Variants in CLPB observed in about 807,000 individuals in gnomAD.
The protein encoded by CLPB is ClpB family mitochondrial disaggregase, also known as mitochondrial disaggregase.
CLPB carries 40 observed loss-of-function variants against 78.4 expected under a neutral mutation model. The ratio of observed to expected loss-of-function variants is 0.51; its 90% CI spans 0.40 to 0.66. The LOEUF is 0.66. Ranked by LOEUF, CLPB falls within the 30% of genes least tolerant of loss-of-function variation. CLPB has a pLI of 0.00. For synonymous variants in CLPB, 333 were observed against 348.0 expected (o/e 0.96, Z 0.48); for missense variants, 780 against 886.9 (o/e 0.88, Z 1.53).
At chr11:72,313,576 A>G (rs1949885791) in intron 7 of CLPB, among the ~76,000 whole-genome samples, 1 of 152,246 alleles carries the variant, frequency 6.6e-6, no homozygotes, top group Non-Finnish European at 1.5e-5. Flanking sequence ...ACATACAAAC[A>G]TAGTAGATAA....
chr11:72,421,234 T>C (rs1380070866), intron 2 of CLPB, among the ~76,000 whole-genome samples: 7 of 152,206 alleles, frequency 4.6e-5, no homozygotes, highest in Non-Finnish European at 1.0e-4. Flanking sequence ...GTTCCCTCTC[T>C]TGGCTTTGGA....
chr11:72,373,313 A>G lies in CLPB; in HGVS notation c.646+6968T>C, dbSNP rs117652953. ...CATTTCTGACAGCCCCAGACACCCA[A>G]TGTTTATAACAGTTACTTATAAGCA... On this transcript the variant is annotated intron_variant, in intron 4 of 15. Coordinates refer to ENST00000538039, the MANE Select transcript of CLPB (RefSeq NM_001258392.3). Among the ~76,000 whole-genome samples, 4,447 of 152,240 alleles carry G rather than the reference A, an allele frequency of 0.029. 114 individuals are homozygous for G. The highest frequency in any genetic ancestry group is 0.04 in the Non-Finnish European group (2,728 of 67,996).
Position 72,434,354 on chromosome 11 carries a change from T to C in CLPB, c.121A>G (p.Ser41Gly). 1 of 1,611,914 alleles carries C rather than the reference T, an allele frequency of 6.2e-7. No individual in the cohort carries two copies. The highest frequency in any genetic ancestry group is 8.5e-7 in the Non-Finnish European group (1 of 1,179,376). Reference protein sequence around the residue: ...GASGRNVTTGSLGEPQWLRVA... With the variant: ...GASGRNVTTGGLGEPQWLRVA... ...CTCAGCCACTGCGGCTCCCCGAGACTCCCAGTAGTCACATTCCGGCCGGAA... is the reference window on the plus strand; with the variant it reads ...CTCAGCCACTGCGGCTCCCCGAGACCCCCAGTAGTCACATTCCGGCCGGAA... Residue 41 changes from serine (S) to glycine (G), a missense_variant, in exon 1 of 16, where the codon AGT becomes GGT. Physicochemically the swap from Ser to Gly is moderately conservative, Grantham distance 56 (BLOSUM62 0). This residue lies in a region of CLPB where 417 missense variants were observed against 414.7 expected (regional missense o/e 1.01). Transcript: ENST00000538039.
Position 72,291,195 on chromosome 11 carries a change from C to T in CLPB, c.*2172G>A, listed in dbSNP as rs1949446677. On this transcript the variant is annotated 3_prime_UTR_variant, in exon 16 of 16. Transcript: ENST00000538039. The stretch of plus-strand genomic sequence containing the variant: ...CACAGGCTGACAGAGATGAAGGAAA[C>T]ACCACAACAAAATGCAATATGGGAC... 6.6e-6 allele frequency: 1 copy of T among 152,202 alleles called. No individual in the cohort carries two copies. 9.4% of individuals were successfully genotyped at this position (152,202 alleles called of 1,614,324 possible).
chr11:72,293,973 T>C (rs896912350), intron 15 of CLPB, 49 bp downstream of exon 15: 11 of 1,523,024 alleles, frequency 7.2e-6, no homozygotes, highest in Middle Eastern at 3.5e-4. Flanking sequence ...TGGGGGGCCC[T>C]GGGGAGGGAG....
In CLPB at chr11:72,293,541, G is replaced by A. The variant is rs35401939; in HGVS notation, c.1860C>T (p.Arg620=). 3.5e-3 allele frequency: 5,609 copies of A among 1,614,108 alleles called. 185 individuals are homozygous for A. In the African/African-American group the frequency reaches 0.067, roughly 19 times the overall value. Residue 620 remains arginine (R), a synonymous_variant, in exon 16 of 16, where the codon CGC becomes CGT. Coordinates refer to ENST00000538039, the MANE Select transcript of CLPB (RefSeq NM_001258392.3). ...QDLLPGGCTL[R]ITVEDSDKQL... ...GCTTGTCTGAGTCCTCCACCGTGAT[G>A]CGCAAAGTACAGCCCCCTGGCAGCA...
chr11:72,393,991 G>A lies in CLPB; in HGVS notation c.542+8975C>T, dbSNP rs1409082322. 3.9e-5 allele frequency among the ~76,000 whole-genome samples: 6 copies of A among 152,070 alleles called. No individual in the cohort carries two copies. The East Asian group carries it at 1.2e-3, about 29-fold the overall frequency. The stretch of plus-strand genomic sequence containing the variant: ...AATGAAATCAGTGATATAAAATACT[G>A]AACAGGACAGAGCCCCATTGCTCAC... On this transcript the variant is annotated intron_variant, in intron 3 of 15. Transcript: ENST00000538039.
At chr11:72,314,130 G>A (rs1949897056) in intron 7 of CLPB, among the ~76,000 whole-genome samples, 1 of 152,198 alleles carries the variant, frequency 6.6e-6, no homozygotes, top group African/African-American at 2.4e-5. Context: ...GTGTGCCGTG[G>A]TGGCCATACG....
intron 5 of CLPB, among the ~76,000 whole-genome samples, chr11:72,357,700 G>GAAAA (rs747456359): frequency 6.8e-5 from 3 of 43,870 alleles, no homozygotes; most frequent in South Asian, 9.4e-4. Flanking sequence ...CCGTGTCCCA[G>GAAAA]AAAAAAAAAA....
intron 5 of CLPB, 60 bp from the exon 6 acceptor site, chr11:72,329,864 C>G (rs1484524802): frequency 7.4e-7 from 1 of 1,345,374 alleles, no homozygotes; most frequent in African/African-American, 1.5e-5. Flanking sequence ...CCTCAGCCTT[C>G]CCTTGGAGGT....
At chr11:72,305,635 G>A (rs1487843959) in intron 9 of CLPB, among the ~76,000 whole-genome samples, 1 of 152,240 alleles carries the variant, frequency 6.6e-6, no homozygotes, top group Non-Finnish European at 1.5e-5. Context: ...GTCCACCACA[G>A]TGCACTGCCT....
At chr11:72,430,171 T>G (rs1295325597) in intron 2 of CLPB, 141 bp downstream of exon 2, 1 of 780,472 alleles carries the variant, frequency 1.3e-6, no homozygotes, top group African/African-American at 1.7e-5. Context: ...CCCAGGTGAC[T>G]CTGTGACTAC....
chr11:72,346,179 C>A (rs1048265644), intron 5 of CLPB, among the ~76,000 whole-genome samples: 1 of 152,042 alleles, frequency 6.6e-6, no homozygotes, highest in Non-Finnish European at 1.5e-5. Flanking sequence ...CCCAGCTACA[C>A]GGGAGGCTGA....
intron 10 of CLPB, 134 bp downstream of exon 10, chr11:72,302,170 C>T: frequency 9.7e-7 from 1 of 1,027,318 alleles, no homozygotes; most frequent in Non-Finnish European, 1.5e-6. Context: ...ATCAGTGACC[C>T]TGCTGCACAC....
chr11:72,393,477 A>T (rs1207922757), intron 3 of CLPB, among the ~76,000 whole-genome samples: 1 of 152,204 alleles, frequency 6.6e-6, no homozygotes, highest in Non-Finnish European at 1.5e-5. Context: ...AGGTGCCATT[A>T]TTATTCCCAT....
At chr11:72,294,302 AC>A in intron 14 of CLPB, 22 bp downstream of exon 14, 1 of 1,606,396 alleles carries the variant, frequency 6.2e-7, no homozygotes, top group Non-Finnish European at 8.5e-7. Flanking sequence ...TCCCGCCCCC[AC>A]CCATGGGCAG....
At chr11:72,306,131 CT>C (rs1273505299) in intron 9 of CLPB, among the ~76,000 whole-genome samples, 1 of 152,238 alleles carries the variant, frequency 6.6e-6, no homozygotes, top group East Asian at 1.9e-4. Context: ...TCAAGTGGGT[CT>C]GCTCCAGGTT....
intron 6 of CLPB, among the ~76,000 whole-genome samples, chr11:72,324,756 G>A (rs1163011804): frequency 6.6e-6 from 1 of 152,070 alleles, no homozygotes; most frequent in Admixed American, 6.5e-5. Context: ...TGAGGCCAAG[G>A]GGAGGAAGAA....
At chr11:72,377,806 G>A (rs1854763395) in intron 4 of CLPB, among the ~76,000 whole-genome samples, 1 of 152,162 alleles carries the variant, frequency 6.6e-6, no homozygotes, top group Non-Finnish European at 1.5e-5. Flanking sequence ...TACAGCCTCT[G>A]GGCCAAATCC....
Sources: gnomAD v4.1 joint callset for allele counts (sites outside exome capture counted in the v4.1 genomes callset) on GRCh38, gnomAD v4.1.1 for gene constraint, gnomAD v4.1.1 regional missense constraint, MANE v1.5 for transcripts, NCBI Gene and HGNC (gene_info 2026-07-23, HGNC 2026-07-21) for gene names.